Variants in ATRIP observed in about 807,000 individuals in gnomAD.
The protein encoded by ATRIP is ATR-interacting protein.
Under a neutral mutation model 78.1 loss-of-function variants are expected in ATRIP, and 44 were observed. The observed-to-expected ratio is 0.56, with a 90% CI of 0.44 to 0.72. The LOEUF (loss-of-function observed/expected upper bound fraction) is 0.72. ATRIP is among the 30% of genes least tolerant of loss of function. ATRIP has a pLI of 0.00. For missense variants in ATRIP, 927 were observed against 980.2 expected (o/e 0.95, Z 0.72); for synonymous variants, 388 against 408.9 (o/e 0.95, Z 0.62).
chr3:48,463,296 G>A (rs2040170102), intron 8 of ATRIP, among the ~76,000 whole-genome samples: 1 of 152,266 alleles, frequency 6.6e-6, no homozygotes, highest in South Asian at 2.1e-4. Context: ...AGAGAAAATG[G>A]CTTTCCTTGC....
At chr3:48,449,237 A>T (rs1201843201) in intron 1 of ATRIP, among the ~76,000 whole-genome samples, 1 of 151,710 alleles carries the variant, frequency 6.6e-6, no homozygotes, top group East Asian at 1.9e-4. Context: ...AATATGGTGA[A>T]ACCCCGTCTC....
rs950800166 is a variant in ATRIP at position 48,457,865 on chromosome 3, T to A, written c.829+449T>A. Among the ~76,000 whole-genome samples the A allele has an allele frequency of 2.0e-5, 3 of 152,118 alleles. No individual in the cohort carries two copies. In the East Asian group the frequency reaches 5.8e-4, roughly 29 times the overall value. On this transcript the variant is annotated intron_variant, in intron 5 of 12. Transcript: ENST00000320211. ...AAGCTTATACCTTTTTTTTAATTTTTATTTTTTATTTTTATTTTATTATTA... is the reference window on the plus strand; with the variant it reads ...AAGCTTATACCTTTTTTTTAATTTTAATTTTTTATTTTTATTTTATTATTA...
chr3:48,459,574 CA>C, intron 6 of ATRIP, 120 bp downstream of exon 6: 3 of 1,198,714 alleles, frequency 2.5e-6, no homozygotes, highest in Non-Finnish European at 3.6e-6. Context: ...CCAGGGAAGT[CA>C]AAGTATGTGG....
Position 48,466,414 on chromosome 3 carries a change from G to C in ATRIP, c.*860G>C. 2.5e-6 allele frequency: 4 copies of C among 1,603,522 alleles called. No individual in the cohort carries two copies. Among genetic ancestry groups the C allele is most frequent in the Non-Finnish European group, 3.4e-6 (4 of 1,173,050 alleles). ...GGGAGGGGCCGAGTCATGTGAAGAG[G>C]GAGACCCTCTCAGACAGTCGAATGT... is the stretch of plus-strand genomic sequence containing the variant. On this transcript the variant is annotated 3_prime_UTR_variant, in exon 13 of 13. Transcript: ENST00000320211.
In ATRIP at chr3:48,459,893, C is replaced by A. The variant is rs761848836; in HGVS notation, c.1032C>A (p.Pro344=). ...SSSSESPAGT[P]LQPPGFGSTL... ...GTTCTGAGTCTCCTGCTGGCACCCC[C>A]CTGCAGCCACCAGGGTTTGGCAGGT... The change falls in exon 7 of 13, where the codon CCC becomes CCA. Residue 344 remains proline, a synonymous_variant. Coordinates refer to ENST00000320211, the MANE Select transcript of ATRIP (RefSeq NM_130384.3). 7 of 1,613,336 alleles carry A rather than the reference C, an allele frequency of 4.3e-6. No individual in the cohort carries two copies. The highest frequency in any genetic ancestry group is 5.9e-6 in the Non-Finnish European group (7 of 1,179,770).
chr3:48,467,483 G>A lies in ATRIP; in HGVS notation c.*1929G>A, dbSNP rs149654159. ...GGGGTACCAAGGATCTTCCTCCAGT[G>A]AAGGACCCTGGAGCCCTATCCAGGG... On this transcript the variant is annotated 3_prime_UTR_variant, in exon 13 of 13. Coordinates refer to ENST00000320211, the MANE Select transcript of ATRIP (RefSeq NM_130384.3). 3 of 1,614,022 alleles carry A rather than the reference G, an allele frequency of 1.9e-6. No homozygotes were observed. The highest frequency in any genetic ancestry group is 1.7e-5 in the Admixed American group (1 of 60,016).
rs1165321965 is a variant in ATRIP, at chr3:48,465,544, A to T, written c.2366A>T (p.Glu789Val). The change falls in exon 13 of 13, where the codon GAG becomes GTG. Residue 789 changes from glutamate to valine, a missense_variant. Glu to Val is a moderately radical substitution (Grantham distance 121). Transcript: ENST00000320211. ...ACCGATGTGGAAGACCCCGAGGTGG[A>T]GTGTGGCTGAGGCCCTGAGTGTCCA... is the stretch of plus-strand genomic sequence containing the variant. ...AETDVEDPEV[E>V]CG 3 of 1,613,488 alleles carry T rather than the reference A, an allele frequency of 1.9e-6. No individual in the cohort carries two copies. Among genetic ancestry groups the T allele is most frequent in the South Asian group, 2.2e-5 (2 of 91,028 alleles).
In ATRIP at chr3:48,466,910, A is replaced by C; in HGVS notation, c.*1356A>C. On this transcript the variant is annotated 3_prime_UTR_variant, in exon 13 of 13. Transcript: ENST00000320211. ...GCAGCCCTGCAGCCAGCGAGATCAC[A>C]GGTCTGAGCACAGCTGTGCTGGCAG... is the stretch of plus-strand genomic sequence containing the variant. The C allele has an allele frequency of 6.2e-7, 1 of 1,611,876 alleles. No individual in the cohort carries two copies. Among genetic ancestry groups the C allele is most frequent in the East Asian group, 2.2e-5 (1 of 44,884 alleles).
In ATRIP at chr3:48,447,075, C is replaced by T. The variant is rs1429759634; in HGVS notation, c.230C>T (p.Ala77Val). The change falls in exon 1 of 13, where the codon GCG (alanine) becomes GTG (valine). Residue 77 changes from alanine (A) to valine (V), a missense_variant. Ala to Val is a moderately conservative substitution (Grantham distance 64). Transcript: ENST00000320211. ...ASQALSQCPA[A>V]ARDVSSDHKV... Reference sequence around the variant, plus strand: ...CAGGCCCTGAGCCAATGTCCGGCCGCGGCTCGGGACGTGTCCAGTGAGTGC... The same window carrying T: ...CAGGCCCTGAGCCAATGTCCGGCCGTGGCTCGGGACGTGTCCAGTGAGTGC... 1 of 1,558,164 alleles carries T rather than the reference C, an allele frequency of 6.4e-7. No individual in the cohort carries two copies. Among genetic ancestry groups the T allele is most frequent in the South Asian group, 1.2e-5 (1 of 85,466 alleles).
At chr3:48,465,207 G>C (rs933676294) in intron 12 of ATRIP, 124 bp downstream of exon 12, 50 of 1,304,016 alleles carry the variant, frequency 3.8e-5, no homozygotes, top group Non-Finnish European at 4.6e-5. Flanking sequence ...CCAGCACTGG[G>C]GCCATTTTCT....
chr3:48,466,845 G>T lies in ATRIP; in HGVS notation c.*1291G>T. On this transcript the variant is annotated 3_prime_UTR_variant, in exon 13 of 13. Transcript: ENST00000320211. ...CACAGTTCCTCCACCACCGCGTGTG[G>T]TAGACAAGCTCTCCCTGTGTGTGGC... 6.2e-7 allele frequency: 1 copy of T among 1,613,966 alleles called. No homozygotes were observed. Among genetic ancestry groups the T allele is most frequent in the South Asian group, 1.1e-5 (1 of 91,084 alleles).
At chr3:48,451,184 C>T (rs1308656146) in intron 2 of ATRIP, among the ~76,000 whole-genome samples, 6 of 148,426 alleles carry the variant, frequency 4.0e-5, no homozygotes, top group Non-Finnish European at 5.9e-5. Flanking sequence ...AGCAAGACTC[C>T]GTCTCAAAAA....
Position 48,466,730 on chromosome 3 carries a change from C to G in ATRIP, c.*1176C>G. The G allele has an allele frequency of 1.2e-6, 2 of 1,614,064 alleles. No homozygotes were observed. Among genetic ancestry groups the G allele is most frequent in the Non-Finnish European group, 1.7e-6 (2 of 1,180,026 alleles). ...TCGACATGGAGGCCACTGGCTTGCC[C>G]TTCTCCCAGCCCAAGGTCACGGAGC... is the stretch of plus-strand genomic sequence containing the variant. On this transcript the variant is annotated 3_prime_UTR_variant, in exon 13 of 13. Coordinates refer to ENST00000320211, the MANE Select transcript of ATRIP (RefSeq NM_130384.3).
Position 48,466,709 on chromosome 3 carries a change from C to T in ATRIP, c.*1155C>T. 3 of 1,614,118 alleles carry T rather than the reference C, an allele frequency of 1.9e-6. No individual in the cohort carries two copies. Among genetic ancestry groups the T allele is most frequent in the Non-Finnish European group, 2.5e-6 (3 of 1,180,014 alleles). On this transcript the variant is annotated 3_prime_UTR_variant, in exon 13 of 13. Coordinates refer to ENST00000320211, the MANE Select transcript of ATRIP (RefSeq NM_130384.3). The stretch of plus-strand genomic sequence containing the variant: ...CCATGCAGACCCTCATCTTTTTCGA[C>T]ATGGAGGCCACTGGCTTGCCCTTCT...
intron 8 of ATRIP, among the ~76,000 whole-genome samples, chr3:48,461,890 G>T (rs1274677367): frequency 6.6e-6 from 1 of 152,130 alleles, no homozygotes; most frequent in Non-Finnish European, 1.5e-5. Flanking sequence ...ATTTTTAGTA[G>T]AGACAGGGTT....
Position 48,460,197 on chromosome 3 carries a change from G to C in ATRIP, c.1143G>C (p.Leu381=), listed in dbSNP as rs776950968. ...CAGCCCTGAGAGAAGCACAGAACCT[G>C]GCATTCACTGGACTGAATCTGGTTG... ...SLSALREAQN[L]AFTGLNLVAR... is the part of the protein sequence containing the mutation. The change falls in exon 8 of 13, where the codon CTG becomes CTC. Residue 381 remains leucine (L), a synonymous_variant. Coordinates refer to ENST00000320211, the MANE Select transcript of ATRIP (RefSeq NM_130384.3). 33 of 1,614,012 alleles carry C rather than the reference G, an allele frequency of 2.0e-5. No homozygotes were observed. The highest frequency in any genetic ancestry group is 2.6e-5 in the Non-Finnish European group (31 of 1,180,038).
Position 48,465,089 on chromosome 3 carries a change from C to A in ATRIP, c.2308+6C>A. 1 of 1,602,446 alleles carries A rather than the reference C, an allele frequency of 6.2e-7. No individual in the cohort carries two copies. On this transcript the variant is annotated splice_donor_region_variant and intron_variant, in intron 12 of 12. Coordinates refer to ENST00000320211, the MANE Select transcript of ATRIP (RefSeq NM_130384.3). The stretch of plus-strand genomic sequence containing the variant: ...TGATGTGACGGACTGTGAAGGTAAG[C>A]CTGCCAGAGGCCATCCTGCCCAGCC...
chr3:48,466,820 C>T lies in ATRIP; in HGVS notation c.*1266C>T. ...CCCCCACCTCTCAGGGGCCACCTCC[C>T]ACAGTTCCTCCACCACCGCGTGTGG... On this transcript the variant is annotated 3_prime_UTR_variant, in exon 13 of 13. Transcript: ENST00000320211. The T allele has an allele frequency of 6.2e-7, 1 of 1,614,010 alleles. No individual in the cohort carries two copies. The highest frequency in any genetic ancestry group is 1.3e-5 in the African/African-American group (1 of 75,056).
At chr3:48,450,633 C>A in intron 2 of ATRIP, 1 of 973,158 alleles carries the variant, frequency 1.0e-6, no homozygotes, top group Non-Finnish European at 1.4e-6. Flanking sequence ...GTCATCCAGG[C>A]TGGAGTACAG....
Sources: allele counts gnomAD v4.1 joint callset (sites outside exome capture counted in the v4.1 genomes callset), GRCh38; gene constraint gnomAD v4.1.1; transcripts MANE v1.5; gene names NCBI Gene and HGNC (gene_info 2026-07-23, HGNC 2026-07-21).